The following USP13 variants were observed in gnomAD, a reference collection of about 807,000 sequenced individuals.
The protein encoded by USP13 is ubiquitin carboxyl-terminal hydrolase 13.
Under a neutral mutation model 107.8 loss-of-function variants are expected in USP13, and 68 were observed. That is an observed-to-expected ratio of 0.63 (90% CI 0.52 to 0.77). USP13 has a LOEUF of 0.77. Among genes scored for constraint, USP13 ranks in the 30% least tolerant of loss-of-function variants. The pLI is 0.00. For synonymous variants in USP13, 377 were observed against 389.5 expected (o/e 0.97, Z 0.38); for missense variants, 945 against 1,093.3 (o/e 0.86, Z 1.91).
chr3:179,712,773 A>G (rs1003330614), intron 6 of USP13, among the ~76,000 whole-genome samples: 2 of 152,104 alleles, frequency 1.3e-5, no homozygotes, highest in African/African-American at 2.4e-5. Flanking sequence ...TTCAGTTACC[A>G]AGATTCTCTT....
At chr3:179,710,005 T>G (rs1256628817) in intron 6 of USP13, among the ~76,000 whole-genome samples, 12 of 152,150 alleles carry the variant, frequency 7.9e-5, no homozygotes, top group Admixed American at 7.2e-4. Flanking sequence ...GATACATAAC[T>G]GAGGACTGGC....
intron 8 of USP13, among the ~76,000 whole-genome samples, chr3:179,728,833 C>G (rs1267237547): frequency 6.6e-6 from 1 of 152,150 alleles, no homozygotes; most frequent in Non-Finnish European, 1.5e-5. Flanking sequence ...AATACGAGAA[C>G]CAGTCAGGCG....
rs1715841149 is a variant in USP13 at position 179,784,090 on chromosome 3, G to A, written c.2541G>A (p.Arg847=). 1 of 1,612,806 alleles carries A rather than the reference G, an allele frequency of 6.2e-7. No individual in the cohort carries two copies. The highest frequency in any genetic ancestry group is 8.5e-7 in the Non-Finnish European group (1 of 1,179,706). Residue 847 remains arginine (R), a synonymous_variant, in exon 21 of 21, where the codon AGG becomes AGA. Transcript: ENST00000263966. The part of the protein sequence containing the change: ...YNDHKVCASE[R]PPKDLGYMYF... ...ACCACAAAGTTTGTGCCTCAGAAAG[G>A]CCCCCTAAAGACCTGGGCTACATGT...
intron 1 of USP13, among the ~76,000 whole-genome samples, chr3:179,656,378 T>C (rs759478757): frequency 1.3e-5 from 2 of 152,218 alleles, no homozygotes; most frequent in Non-Finnish European, 2.9e-5. Context: ...AGATTGTGAA[T>C]CAACAAATTC....
At chr3:179,662,215 CA>C (rs1267159975) in intron 1 of USP13, among the ~76,000 whole-genome samples, 1 of 152,176 alleles carries the variant, frequency 6.6e-6, no homozygotes, top group East Asian at 1.9e-4. Context: ...CATTCTTCCC[CA>C]GCGCTGAAAC....
chr3:179,726,821 G>A (rs1229160488), intron 8 of USP13, among the ~76,000 whole-genome samples: 2 of 152,020 alleles, frequency 1.3e-5, no homozygotes, highest in Non-Finnish European at 2.9e-5. Context: ...GCAATTATAG[G>A]TATGTACCAC....
chr3:179,726,824 T>G (rs547473110), intron 8 of USP13, among the ~76,000 whole-genome samples: 44 of 152,086 alleles, frequency 2.9e-4, no homozygotes, highest in Non-Finnish European at 5.6e-4. Context: ...ATTATAGGTA[T>G]GTACCACTGC....
intron 6 of USP13, among the ~76,000 whole-genome samples, chr3:179,714,674 G>A (rs191587645): frequency 6.6e-6 from 1 of 152,176 alleles, no homozygotes; most frequent in African/African-American, 2.4e-5. Context: ...GATTGCTTGG[G>A]CCCAGGAGTT....
intron 14 of USP13, among the ~76,000 whole-genome samples, chr3:179,753,997 T>C (rs1714697089): frequency 6.6e-6 from 1 of 152,234 alleles, no homozygotes; most frequent in South Asian, 2.1e-4. Context: ...ATTTATTCAA[T>C]ATCTTAGTTA....
intron 19 of USP13, among the ~76,000 whole-genome samples, chr3:179,774,520 G>A (rs532927960): frequency 2.0e-5 from 3 of 152,206 alleles, no homozygotes; most frequent in Non-Finnish European, 2.9e-5. Flanking sequence ...CACGTCTGGA[G>A]TTGTTCGTTC....
chr3:179,775,872 C>T (rs1439035581), intron 19 of USP13, among the ~76,000 whole-genome samples: 3 of 152,218 alleles, frequency 2.0e-5, no homozygotes, highest in Admixed American at 1.3e-4. Context: ...GCGCCTCTCC[C>T]TCCACACCTT....
chr3:179,734,302 T>C (rs1713909588), intron 10 of USP13, among the ~76,000 whole-genome samples: 1 of 152,250 alleles, frequency 6.6e-6, no homozygotes, highest in African/African-American at 2.4e-5. Context: ...ATAGTTACTA[T>C]AAAAGGGCAT....
At chr3:179,687,927 C>A (rs1056397761) in intron 2 of USP13, among the ~76,000 whole-genome samples, 1 of 152,124 alleles carries the variant, frequency 6.6e-6, no homozygotes, top group African/African-American at 2.4e-5. Flanking sequence ...ACTCTTATTT[C>A]ACCAAGTTTG....
intron 1 of USP13, among the ~76,000 whole-genome samples, chr3:179,673,987 G>C (rs1022522964): frequency 6.6e-6 from 1 of 152,178 alleles, no homozygotes; most frequent in Non-Finnish European, 1.5e-5. Context: ...CCGCCTTTCG[G>C]GTTCAAACGA....
At position 179,720,084 on chromosome 3, in the gene USP13, G is replaced by A; in HGVS notation, c.900+50G>A. On this transcript the variant is annotated intron_variant, in intron 7 of 20. Transcript: ENST00000263966. ...TCCATCTTGCATGGGGTAGGGGTGG[G>A]GAGACGGCAAGGGAACTGCTTGATT... is the stretch of plus-strand genomic sequence containing the variant. The A allele has an allele frequency of 2.1e-6, 3 of 1,432,248 alleles. No homozygotes were observed. In the South Asian group the frequency reaches 3.9e-5, roughly 19 times the overall value. The allele number at this position is 1,432,248 out of a possible 1,614,324, so 88.7% of individuals were successfully genotyped here.
intron 1 of USP13, among the ~76,000 whole-genome samples, 171 bp from the exon 2 acceptor site, chr3:179,681,707 G>C (rs1348547333): frequency 1.3e-5 from 2 of 152,138 alleles, no homozygotes; most frequent in African/African-American, 4.8e-5. Flanking sequence ...CTCTCTGTCT[G>C]CTAGGACAGA....
intron 3 of USP13, among the ~76,000 whole-genome samples, chr3:179,696,116 A>T (rs922998712): frequency 1.1e-4 from 17 of 152,162 alleles, no homozygotes; most frequent in African/African-American, 4.1e-4. Context: ...GTGAAATAGG[A>T]AATAAGGGTG....
chr3:179,745,482 T>C (rs996560606), intron 13 of USP13, among the ~76,000 whole-genome samples: 25 of 151,982 alleles, frequency 1.6e-4, no homozygotes, highest in African/African-American at 6.0e-4. Context: ...TGATTTATTC[T>C]CTATTAGGAG....
rs774779825 is a variant in USP13 at position 179,745,098 on chromosome 3, C to T, written c.1590C>T (p.Pro530=). Residue 530 remains proline (P), a synonymous_variant, in exon 13 of 21, where the codon CCC becomes CCT. Transcript: ENST00000263966. The part of the protein sequence containing the change: ...TRREAEANRR[P]LPELVRAKIP... ...GGGAAGCAGAAGCAAACAGAAGACC[C>T]CTTCCTGAGTTGGTACGTGCCAAGA... The T allele has an allele frequency of 1.2e-6, 2 of 1,614,000 alleles. No homozygotes were observed. The highest frequency in any genetic ancestry group is 1.3e-5 in the African/African-American group (1 of 74,888).
Sources: allele counts gnomAD v4.1 joint callset (sites outside exome capture counted in the v4.1 genomes callset), GRCh38; gene constraint gnomAD v4.1.1; transcripts MANE v1.5; gene names NCBI Gene and HGNC (gene_info 2026-07-23, HGNC 2026-07-21).